The following SND1 variants were observed in gnomAD, a reference collection of about 807,000 sequenced individuals.
SND1 encodes staphylococcal nuclease domain-containing protein 1.
A neutral mutation model predicts 121.7 loss-of-function variants in SND1; 38 were observed. The ratio of observed to expected loss-of-function variants is 0.31; its 90% CI spans 0.24 to 0.41. SND1 has a LOEUF of 0.41. Ranked by LOEUF, SND1 falls within the 10% of genes least tolerant of loss-of-function variation. The pLI, the probability that SND1 is intolerant of heterozygous loss-of-function variation, is 1.00. For missense variants in SND1, 868 were observed against 1,184.6 expected (o/e 0.73, Z 3.92); for synonymous variants, 401 against 447.4 (o/e 0.90, Z 1.31).
Position 127,652,437 on chromosome 7 carries a change from G to T in SND1, c.64G>T (p.Gly22Cys), listed in dbSNP as rs768420139. ...ACCCGCGGTCCCCACCGTGCAGCGG[G>T]GCATCATCAAGATGGTGAGAACGGG... Reference protein sequence around the residue: ...GGPAVPTVQRGIIKMVLSGCA... With the variant: ...GGPAVPTVQRCIIKMVLSGCA... Residue 22 changes from glycine to cysteine, a missense_variant, in exon 1 of 24, where the codon GGC (glycine) becomes TGC (cysteine). This residue lies in a region of SND1 where 125 missense variants were observed against 113.3 expected (regional missense o/e 1.10). Coordinates refer to ENST00000354725, the MANE Select transcript of SND1 (RefSeq NM_014390.4). The T allele has an allele frequency of 1.3e-6, 2 of 1,584,168 alleles. No individual in the cohort carries two copies. Among genetic ancestry groups the T allele is most frequent in the Non-Finnish European group, 1.7e-6 (2 of 1,165,470 alleles).
chr7:127,707,592 A>C lies in SND1; in HGVS notation c.983A>C (p.Asp328Ala), dbSNP rs1796222973. The C allele has an allele frequency of 6.2e-7, 1 of 1,614,136 alleles. No homozygotes were observed. The highest frequency in any genetic ancestry group is 8.5e-7 in the Non-Finnish European group (1 of 1,179,988). The change falls in exon 9 of 24, where the codon GAC becomes GCC. Residue 328 changes from aspartate (D) to alanine (A), a missense_variant. Asp to Ala is a moderately radical substitution (Grantham distance 126). Transcript: ENST00000354725. ...GAGCGCAGGCTGAGAATATGGAGAG[A>C]CTATGTGGCTCCCACAGCTAATTTG... is the stretch of plus-strand genomic sequence containing the variant. ...AKERRLRIWRDYVAPTANLDQ... is the reference protein window; with the variant it reads ...AKERRLRIWRAYVAPTANLDQ...
chr7:128,013,257 C>G (rs1398044149), intron 16 of SND1, among the ~76,000 whole-genome samples: 1 of 152,178 alleles, frequency 6.6e-6, no homozygotes, highest in Non-Finnish European at 1.5e-5. Context: ...CCTTTATATA[C>G]CTCCACCTTC....
chr7:127,834,119 C>G (rs1212568908), intron 11 of SND1, among the ~76,000 whole-genome samples: 1 of 152,166 alleles, frequency 6.6e-6, no homozygotes, highest in African/African-American at 2.4e-5. Flanking sequence ...TCAGTTGCTT[C>G]CACCTTTGGC....
chr7:127,660,770 G>A (rs1172827346), intron 1 of SND1, among the ~76,000 whole-genome samples: 1 of 152,100 alleles, frequency 6.6e-6, no homozygotes, highest in Non-Finnish European at 1.5e-5. Context: ...TTACTTTTGA[G>A]TTTATTTTTT....
intron 11 of SND1, among the ~76,000 whole-genome samples, chr7:127,809,585 T>A (rs1282612445): frequency 3.5e-4 from 53 of 152,224 alleles, no homozygotes; most frequent in Non-Finnish European, 4.4e-5. Flanking sequence ...CTGTTCAGCA[T>A]GGCACATGGT....
At position 128,029,695 on chromosome 7, in the gene SND1, G is replaced by A; in HGVS notation, c.1779+38639G>A. Reference sequence around the variant, plus strand: ...GTGGAATTGGTGGGTATATACTCTCGAAGCCACCAGGCTAGCCACAGAATG... The same window carrying A: ...GTGGAATTGGTGGGTATATACTCTCAAAGCCACCAGGCTAGCCACAGAATG... On this transcript the variant is annotated intron_variant, in intron 16 of 23. Transcript: ENST00000354725. This position sits in a 1 kb window ranked among gnomAD's most constrained non-coding sequence, Gnocchi z 4.2. The A allele has an allele frequency of 6.2e-7, 1 of 1,613,908 alleles. No homozygotes were observed. Among genetic ancestry groups the A allele is most frequent in the East Asian group, 2.2e-5 (1 of 44,874 alleles).
chr7:127,734,013 T>G (rs1040929868), intron 10 of SND1, among the ~76,000 whole-genome samples: 12 of 152,224 alleles, frequency 7.9e-5, no homozygotes, highest in African/African-American at 1.9e-4. Context: ...TCTACTGCAC[T>G]TCAGCTTGAG....
intron 22 of SND1, among the ~76,000 whole-genome samples, chr7:128,090,724 C>T (rs7804310): frequency 0.013 from 2,053 of 152,272 alleles, 43 homozygotes; most frequent in African/African-American, 0.046. Context: ...ACCGCAAGCC[C>T]ACATAATGTG....
chr7:127,769,089 A>C (rs1797468915), intron 10 of SND1, among the ~76,000 whole-genome samples: 1 of 152,210 alleles, frequency 6.6e-6, no homozygotes, highest in East Asian at 1.9e-4. Context: ...GCTCCTGGAT[A>C]AGTTAATGCT....
At chr7:127,731,178 G>T (rs540564711) in intron 10 of SND1, among the ~76,000 whole-genome samples, 6 of 152,332 alleles carry the variant, frequency 3.9e-5, no homozygotes, top group African/African-American at 1.4e-4. Context: ...GGCACTGCCC[G>T]CCCGATTCTG....
chr7:127,708,153 G>A (rs1022421264), intron 9 of SND1, among the ~76,000 whole-genome samples: 3 of 152,084 alleles, frequency 2.0e-5, no homozygotes, highest in Admixed American at 6.6e-5. Flanking sequence ...AACAGGCTTT[G>A]TGTTAGATTA....
intron 16 of SND1, among the ~76,000 whole-genome samples, chr7:128,039,202 A>AT (rs1220454779): frequency 6.6e-6 from 1 of 152,228 alleles, no homozygotes; most frequent in Non-Finnish European, 1.5e-5. Flanking sequence ...AGCCCCACTC[A>AT]TCACAGTTAT....
rs869197153 is a variant in SND1 at position 128,092,328 on chromosome 7, TAAAA to T, written c.*278_*281del. ...TATTTGGAGGTTTGTGGGCTTTTTT[TAAAA>T]AAAAAAAGTCCTCAAATCAGGAAGA... On this transcript the variant is annotated 3_prime_UTR_variant, in exon 24 of 24. Coordinates refer to ENST00000354725, the MANE Select transcript of SND1 (RefSeq NM_014390.4). This position sits in a 1 kb window ranked among gnomAD's most constrained non-coding sequence, Gnocchi z 4.9. 57 of 384,988 alleles carry T rather than the reference TAAAA, an allele frequency of 1.5e-4. No individual in the cohort carries two copies. The Middle Eastern group carries it at 6.1e-3, about 41-fold the overall frequency. 23.8% of individuals were successfully genotyped at this position (384,988 alleles called of 1,614,324 possible).
At chr7:127,744,663 A>G (rs763375506) in intron 10 of SND1, among the ~76,000 whole-genome samples, 8 of 152,196 alleles carry the variant, frequency 5.3e-5, no homozygotes, top group African/African-American at 7.2e-5. Context: ...TTTGTGTTCA[A>G]AAAGATAATG....
intron 10 of SND1, among the ~76,000 whole-genome samples, chr7:127,729,591 A>G (rs1468046401): frequency 1.3e-5 from 2 of 152,180 alleles, no homozygotes; most frequent in African/African-American, 4.8e-5. Context: ...TGTGCAATTC[A>G]GAAACCAAAC....
intron 16 of SND1, chr7:128,027,401 A>T (rs1803507721): frequency 6.6e-6 from 1 of 152,518 alleles, no homozygotes; most frequent in African/African-American, 2.4e-5. Context: ...TGTCACTTGT[A>T]ACTGTGGATC....
chr7:127,673,835 G>A (rs1795567973), intron 1 of SND1, among the ~76,000 whole-genome samples: 1 of 152,044 alleles, frequency 6.6e-6, no homozygotes. Context: ...TTCTTATGTC[G>A]TTTTGTTATG....
chr7:127,842,099 T>A (rs946044500), intron 11 of SND1, among the ~76,000 whole-genome samples: 1 of 152,190 alleles, frequency 6.6e-6, no homozygotes, highest in Admixed American at 6.5e-5. Flanking sequence ...ATTTTCAAGA[T>A]GAGTTTTTGA....
chr7:127,859,284 C>T (rs556535496), intron 12 of SND1, among the ~76,000 whole-genome samples: 10 of 152,212 alleles, frequency 6.6e-5, no homozygotes, highest in East Asian at 3.9e-4. Flanking sequence ...TTAATGTCTA[C>T]GTTTTGCAGG....
Sources: allele counts gnomAD v4.1 joint callset (sites outside exome capture counted in the v4.1 genomes callset), GRCh38; gene constraint gnomAD v4.1.1; regional missense constraint gnomAD v4.1.1; non-coding constraint Gnocchi (gnomAD v3.1); transcripts MANE v1.5; gene names NCBI Gene and HGNC (gene_info 2026-07-23, HGNC 2026-07-21).